GNAO1: variants seen among roughly 807,000 people sequenced by gnomAD.
The protein encoded by GNAO1 is guanine nucleotide-binding protein G(o) subunit alpha.
For missense variants in GNAO1, 166 were observed against 478.7 expected, an observed-to-expected ratio of 0.35 and a Z score of 6.10; for synonymous variants, 164 against 180.7, an observed-to-expected ratio of 0.91 and a Z score of 0.74.
chr16:56,299,044 A>G (rs1243455408), intron 3 of GNAO1, among the ~76,000 whole-genome samples: 1 of 152,232 alleles, frequency 6.6e-6, no homozygotes, highest in East Asian at 1.9e-4. Flanking sequence ...CCTCATCCAT[A>G]TGAGCAGGTA....
intron 2 of GNAO1, among the ~76,000 whole-genome samples, chr16:56,219,582 C>T (rs1483297752): frequency 6.6e-6 from 1 of 152,154 alleles, no homozygotes; most frequent in East Asian, 1.9e-4. Flanking sequence ...ACCCTCTGCC[C>T]CTTCTCCCAG....
Position 56,326,957 on chromosome 16 carries a change from C to T in GNAO1, c.304-1674C>T, listed in dbSNP as rs1462397759. 6.6e-6 allele frequency among the ~76,000 whole-genome samples: 1 copy of T among 152,196 alleles called. No homozygotes were observed. The highest frequency in any genetic ancestry group is 1.5e-5 in the Non-Finnish European group (1 of 68,032). ...GGTGGGTCTGATCATAGAGGCTGGGCCTGGAGTCCGAAGGCACCTCATCTT... is the reference window on the plus strand; with the variant it reads ...GGTGGGTCTGATCATAGAGGCTGGGTCTGGAGTCCGAAGGCACCTCATCTT... On this transcript the variant is annotated intron_variant, in intron 3 of 8. Coordinates refer to ENST00000262493, the MANE Select transcript of GNAO1 (RefSeq NM_020988.3). This position sits in a 1 kb window ranked among gnomAD's most constrained non-coding sequence, Gnocchi z 4.8.
chr16:56,192,552 CCCA>C lies in GNAO1; in HGVS notation c.119-20_119-18del, dbSNP rs1567432038. ...TTAAGCTGACACTCACCAGTTTTTCCCCACTGTCTGTGTCCCAACAGGGGCTGG... is the reference window on the plus strand; with the variant it reads ...TTAAGCTGACACTCACCAGTTTTTCCCTGTCTGTGTCCCAACAGGGGCTGG... On this transcript the variant is annotated intron_variant, in intron 1 of 8. Coordinates refer to ENST00000262493, the MANE Select transcript of GNAO1 (RefSeq NM_020988.3). 1.3e-6 allele frequency: 2 copies of C among 1,568,218 alleles called. No individual in the cohort carries two copies. The highest frequency in any genetic ancestry group is 2.2e-5 in the South Asian group (2 of 90,082).
At chr16:56,347,787 CTCT>C (rs2037886585) in intron 6 of GNAO1, 3 of 919,014 alleles carry the variant, frequency 3.3e-6, no homozygotes, top group African/African-American at 3.9e-5. Flanking sequence ...CCTTTCCCTC[CTCT>C]CCCCTCCCCT....
At chr16:56,284,946 G>A (rs997774398) in intron 3 of GNAO1, among the ~76,000 whole-genome samples, 4 of 152,194 alleles carry the variant, frequency 2.6e-5, no homozygotes, top group Admixed American at 1.3e-4. Flanking sequence ...TTCCCACAGC[G>A]GTGGCTCAGC....
chr16:56,192,385 G>T, intron 1 of GNAO1, 32 bp downstream of exon 1: 2 of 743,038 alleles, frequency 2.7e-6, no homozygotes, highest in South Asian at 2.5e-5. Context: ...CCCATCCCCC[G>T]ACCCCGGCCA....
intron 2 of GNAO1, among the ~76,000 whole-genome samples, chr16:56,265,326 C>T (rs547579668): frequency 2.0e-5 from 3 of 152,206 alleles, no homozygotes; most frequent in Non-Finnish European, 4.4e-5. Context: ...TGGTGCCCCT[C>T]TTATGCATGT....
chr16:56,317,181 A>T (rs551384631), intron 3 of GNAO1, among the ~76,000 whole-genome samples: 80 of 152,330 alleles, frequency 5.3e-4, no homozygotes, highest in African/African-American at 1.8e-3. Flanking sequence ...GTTCTCAGAA[A>T]GGCTTAGGAC....
At chr16:56,261,405 G>A in intron 2 of GNAO1, among the ~76,000 whole-genome samples, 1 of 152,206 alleles carries the variant, frequency 6.6e-6, no homozygotes, top group Admixed American at 6.5e-5. Flanking sequence ...GAGAATGAGG[G>A]ATTCTGTCCA....
Position 56,354,032 on chromosome 16 carries a change from T to C in GNAO1, c.878-834T>C, listed in dbSNP as rs1362189063. ...CTCGCTTAAGAACCACGCCTACTAA[T>C]GATATGCTGCCAGCCCTGCCAAGTG... On this transcript the variant is annotated intron_variant, in intron 7 of 8. Coordinates refer to ENST00000262493, the MANE Select transcript of GNAO1 (RefSeq NM_020988.3). This position sits in a 1 kb window ranked among gnomAD's most constrained non-coding sequence, Gnocchi z 4.3. Among the ~76,000 whole-genome samples, 3 of 152,224 alleles carry C rather than the reference T, an allele frequency of 2.0e-5. No individual in the cohort carries two copies. Among genetic ancestry groups the C allele is most frequent in the Non-Finnish European group, 4.4e-5 (3 of 68,042 alleles).
chr16:56,321,436 C>G (rs1200653618), intron 3 of GNAO1, among the ~76,000 whole-genome samples: 1 of 152,146 alleles, frequency 6.6e-6, no homozygotes, highest in African/African-American at 2.4e-5. Context: ...GCCTCTCTTT[C>G]CTAATAGCTG....
intron 2 of GNAO1, among the ~76,000 whole-genome samples, chr16:56,239,609 G>C (rs1228187448): frequency 6.6e-6 from 1 of 152,136 alleles, no homozygotes; most frequent in Non-Finnish European, 1.5e-5. Flanking sequence ...CATTCTTCAG[G>C]TTCTAATGAA....
At chr16:56,284,250 G>A (rs573720295) in intron 3 of GNAO1, among the ~76,000 whole-genome samples, 21 of 152,314 alleles carry the variant, frequency 1.4e-4, no homozygotes, top group Non-Finnish European at 2.8e-4. Context: ...GAAGGTAAAC[G>A]CCTTGGTTTC....
intron 2 of GNAO1, among the ~76,000 whole-genome samples, chr16:56,263,046 G>C (rs1254383313): frequency 6.6e-6 from 1 of 152,252 alleles, no homozygotes; most frequent in Non-Finnish European, 1.5e-5. Context: ...TGAGAACCAA[G>C]ACATCAGGGT....
intron 2 of GNAO1, among the ~76,000 whole-genome samples, chr16:56,197,062 A>G (rs1480876788): frequency 6.6e-6 from 1 of 152,196 alleles, no homozygotes; most frequent in African/African-American, 2.4e-5. Flanking sequence ...TCTTAGCCAA[A>G]AGGCTGAGAA....
chr16:56,219,280 C>T (rs1370576382), intron 2 of GNAO1, among the ~76,000 whole-genome samples: 1 of 152,190 alleles, frequency 6.6e-6, no homozygotes, highest in Non-Finnish European at 1.5e-5. Flanking sequence ...GCCCTGCCTT[C>T]TTGGAGCTCC....
chr16:56,217,798 C>G (rs2036448999), intron 2 of GNAO1, among the ~76,000 whole-genome samples: 2 of 152,150 alleles, frequency 1.3e-5, no homozygotes, highest in Admixed American at 1.3e-4. Context: ...TGAGAGCTTT[C>G]CTAAAGCCCC....
chr16:56,290,558 A>G lies in GNAO1; in HGVS notation c.303+14486A>G, dbSNP rs1459935382. Among the ~76,000 whole-genome samples, 4 of 152,302 alleles carry G rather than the reference A, an allele frequency of 2.6e-5. No individual in the cohort carries two copies. In the East Asian group the frequency reaches 7.7e-4, roughly 29 times the overall value. ...AATGAGTTTGGAACCTGAGTTCTAGAACCCACTTGTTCATAGGCCCTCTTG... is the reference window on the plus strand; with the variant it reads ...AATGAGTTTGGAACCTGAGTTCTAGGACCCACTTGTTCATAGGCCCTCTTG... On this transcript the variant is annotated intron_variant, in intron 3 of 8. Coordinates refer to ENST00000262493, the MANE Select transcript of GNAO1 (RefSeq NM_020988.3).
intron 6 of GNAO1, among the ~76,000 whole-genome samples, chr16:56,339,421 G>A (rs1352933204): frequency 6.6e-6 from 1 of 152,250 alleles, no homozygotes; most frequent in Non-Finnish European, 1.5e-5. Flanking sequence ...AGATGCCATG[G>A]CTAGAGGTCA....
Sources: gnomAD v4.1 joint callset for allele counts (sites outside exome capture counted in the v4.1 genomes callset) on GRCh38, gnomAD v4.1.1 for gene constraint, Gnocchi (gnomAD v3.1) non-coding constraint, MANE v1.5 for transcripts, NCBI Gene and HGNC (gene_info 2026-07-23, HGNC 2026-07-21) for gene names.